The following PRIMA1 variants were observed in gnomAD, a reference collection of about 807,000 sequenced individuals.
The protein encoded by PRIMA1 is proline-rich membrane anchor 1.
A neutral mutation model predicts 17.5 loss-of-function variants in PRIMA1; 7 were observed. The observed-to-expected ratio is 0.40, with a 90% CI of 0.23 to 0.75. PRIMA1 has a LOEUF of 0.75. PRIMA1 is among the 30% of genes least tolerant of loss of function. The pLI is 0.37. For missense variants in PRIMA1, 200 were observed against 201.8 expected (o/e 0.99, Z 0.05); for synonymous variants, 97 against 77.9 (o/e 1.25, Z -1.29).
At chr14:93,748,804 TA>T (rs896620671) in intron 3 of PRIMA1, among the ~76,000 whole-genome samples, 4 of 151,650 alleles carry the variant, frequency 2.6e-5, no homozygotes, top group Non-Finnish European at 5.9e-5. Context: ...GAGGGGACAT[TA>T]AAAAAAACCC....
chr14:93,745,127 GC>G (rs992558738), intron 3 of PRIMA1, among the ~76,000 whole-genome samples: 19 of 152,116 alleles, frequency 1.2e-4, no homozygotes, highest in African/African-American at 4.6e-4. Context: ...TGCCAACCAT[GC>G]CCCTTCCTGC....
intron 4 of PRIMA1, among the ~76,000 whole-genome samples, chr14:93,729,168 C>T (rs756000756): frequency 1.3e-5 from 2 of 152,194 alleles, no homozygotes; most frequent in African/African-American, 2.4e-5. Flanking sequence ...AGCACAGGTG[C>T]CAGCTCCTTG....
In PRIMA1 at chr14:93,756,718, G is replaced by A. The variant is rs77251039; in HGVS notation, c.230-19348C>T. On this transcript the variant is annotated intron_variant, in intron 3 of 4. Transcript: ENST00000393140. ...TCTCCACTGGGGTGGTCCACAGGCC[G>A]GCTCTGGGTTCCCTGTCCAAAACCA... Among the ~76,000 whole-genome samples the A allele has an allele frequency of 3.2e-4, 48 of 152,198 alleles. No homozygotes were observed. In the East Asian group the frequency reaches 9.1e-3, roughly 29 times the overall value.
intron 2 of PRIMA1, among the ~76,000 whole-genome samples, chr14:93,785,348 A>C (rs2141198985): frequency 6.6e-6 from 1 of 152,324 alleles, no homozygotes; most frequent in South Asian, 2.1e-4. Context: ...TCTAACTTTA[A>C]TGATTAAGTT....
At chr14:93,742,964 G>C (rs145792354) in intron 3 of PRIMA1, among the ~76,000 whole-genome samples, 5 of 152,244 alleles carry the variant, frequency 3.3e-5, no homozygotes, top group Non-Finnish European at 5.9e-5. Context: ...GAGAGAAGCT[G>C]CACACAGGAG....
chr14:93,779,375 C>G, intron 2 of PRIMA1, 64 bp from the exon 3 acceptor site: 1 of 1,400,594 alleles, frequency 7.1e-7, no homozygotes, highest in South Asian at 1.4e-5. Context: ...GAAGCTGAAA[C>G]AAGCCCAGGC....
At chr14:93,742,144 C>T (rs1358661559) in intron 3 of PRIMA1, among the ~76,000 whole-genome samples, 1 of 152,204 alleles carries the variant, frequency 6.6e-6, no homozygotes, top group East Asian at 1.9e-4. Context: ...CATCCAAAAA[C>T]CATACCAAAG....
At chr14:93,758,382 T>C (rs1409376346) in intron 3 of PRIMA1, among the ~76,000 whole-genome samples, 1 of 152,050 alleles carries the variant, frequency 6.6e-6, no homozygotes, top group Non-Finnish European at 1.5e-5. Flanking sequence ...GGTCAGGAGT[T>C]CAAGACCAGC....
At chr14:93,723,596 G>A (rs2076056808) in intron 4 of PRIMA1, among the ~76,000 whole-genome samples, 1 of 152,158 alleles carries the variant, frequency 6.6e-6, no homozygotes, top group Admixed American at 6.5e-5. Context: ...CTCATTCCAG[G>A]TGGTCAAGCC....
At chr14:93,771,058 ATG>A (rs3062787) in intron 3 of PRIMA1, among the ~76,000 whole-genome samples, 135,302 of 151,300 alleles carry the variant, frequency 0.89, 61,128 homozygotes, top group Non-Finnish European at 0.95. Context: ...GAGTGCATGT[ATG>A]TGTGTGTGTG....
chr14:93,787,767 C>A lies in PRIMA1; in HGVS notation c.-31-18G>T. On this transcript the variant is annotated intron_variant, in intron 1 of 4. Coordinates refer to ENST00000393140, the MANE Select transcript of PRIMA1 (RefSeq NM_178013.4). The stretch of plus-strand genomic sequence containing the variant: ...GGGGCGAACTGTCAGGAGAGCAAGG[C>A]TAGGGTCAGGCGGACACCGCGCAGG... 1 of 1,532,382 alleles carries A rather than the reference C, an allele frequency of 6.5e-7. No homozygotes were observed. 94.9% of individuals were successfully genotyped at this position (1,532,382 alleles called of 1,614,324 possible). A position where few individuals can be genotyped will look rare whatever the true frequency, so the allele number is the denominator to read the frequency against.
chr14:93,787,890 C>G, intron 1 of PRIMA1, 141 bp from the exon 2 acceptor site: 1 of 879,144 alleles, frequency 1.1e-6, no homozygotes, highest in Non-Finnish European at 1.7e-6. Flanking sequence ...TGCACTTACA[C>G]TCCAGCTTAC....
intron 3 of PRIMA1, among the ~76,000 whole-genome samples, chr14:93,765,064 C>A (rs903744297): frequency 3.4e-5 from 5 of 147,554 alleles, no homozygotes; most frequent in Non-Finnish European, 5.9e-5. Flanking sequence ...CCCGTTGAGT[C>A]CCCCCCACTC....
intron 2 of PRIMA1, among the ~76,000 whole-genome samples, chr14:93,782,856 C>T (rs1342686486): frequency 1.3e-5 from 2 of 152,204 alleles, no homozygotes; most frequent in Admixed American, 6.5e-5. Flanking sequence ...TATCCACTTG[C>T]TAGCCTCTCT....
chr14:93,740,959 A>G (rs1330418274), intron 3 of PRIMA1, among the ~76,000 whole-genome samples: 1 of 152,168 alleles, frequency 6.6e-6, no homozygotes, highest in Admixed American at 6.5e-5. Context: ...TTCTTTTGCT[A>G]TTCCTTTTCA....
intron 4 of PRIMA1, among the ~76,000 whole-genome samples, chr14:93,734,632 C>T (rs1450799777): frequency 6.6e-6 from 1 of 152,162 alleles, no homozygotes; most frequent in Non-Finnish European, 1.5e-5. Context: ...CTGGAAGAAG[C>T]CCCATCCATG....
At chr14:93,745,363 T>C (rs2076210532) in intron 3 of PRIMA1, among the ~76,000 whole-genome samples, 1 of 152,200 alleles carries the variant, frequency 6.6e-6, no homozygotes, top group Non-Finnish European at 1.5e-5. Context: ...CTGAGCTTCA[T>C]GGGGAGAGTT....
rs536217355 is a variant in PRIMA1 at position 93,756,830 on chromosome 14, C to A, written c.230-19460G>T. Among the ~76,000 whole-genome samples, 5 of 152,274 alleles carry A rather than the reference C, an allele frequency of 3.3e-5. No individual in the cohort carries two copies. In the South Asian group the frequency reaches 8.3e-4, roughly 25 times the overall value. The stretch of plus-strand genomic sequence containing the variant: ...CAGGAACCCGGGTCTTTCGGACAAG[C>A]CTTCCCTTAGCCCTCCCTCTGTTCA... On this transcript the variant is annotated intron_variant, in intron 3 of 4. Transcript: ENST00000393140.
At chr14:93,742,316 C>A (rs1440586669) in intron 3 of PRIMA1, among the ~76,000 whole-genome samples, 2 of 152,170 alleles carry the variant, frequency 1.3e-5, no homozygotes, top group East Asian at 3.9e-4. Context: ...CTGGCCAGCT[C>A]CATAAGTTGG....
Sources: gnomAD v4.1 joint callset for allele counts (sites outside exome capture counted in the v4.1 genomes callset) on GRCh38, gnomAD v4.1.1 for gene constraint, MANE v1.5 for transcripts, NCBI Gene and HGNC (gene_info 2026-07-23, HGNC 2026-07-21) for gene names.